The following NXN variants were observed in gnomAD, a reference collection of about 807,000 sequenced individuals.
The protein encoded by NXN is nucleoredoxin.
A neutral mutation model predicts 48.6 loss-of-function variants in NXN; 16 were observed. The observed-to-expected ratio is 0.33, with a 90% confidence interval of 0.22 to 0.50. NXN has a LOEUF of 0.50. Among genes scored for constraint, NXN ranks in the 20% least tolerant of loss-of-function variants. The pLI, the probability that NXN is intolerant of heterozygous loss-of-function variation, is 0.98. For missense variants in NXN, 492 were observed against 605.5 expected (o/e 0.81, Z 1.97); for synonymous variants, 281 against 269.6 (o/e 1.04, Z -0.41).
At chr17:835,534 A>C (rs1235830852) in intron 1 of NXN, among the ~76,000 whole-genome samples, 1 of 152,192 alleles carries the variant, frequency 6.6e-6, no homozygotes, top group Admixed American at 6.5e-5. Flanking sequence ...TTCTGCTGAA[A>C]GACTCCAAGG....
chr17:824,306 C>T (rs1912980954), intron 2 of NXN, among the ~76,000 whole-genome samples: 1 of 152,166 alleles, frequency 6.6e-6, no homozygotes, highest in Non-Finnish European at 1.5e-5. Context: ...CTCAGCCTCC[C>T]AAAGTGCTGG....
chr17:858,743 A>C (rs2068012422), intron 1 of NXN, among the ~76,000 whole-genome samples: 1 of 151,710 alleles, frequency 6.6e-6, no homozygotes. Context: ...AAAAAAAAGA[A>C]AGAAAGAAAG....
At chr17:833,437 CA>C (rs1913609274) in intron 1 of NXN, among the ~76,000 whole-genome samples, 1 of 151,972 alleles carries the variant, frequency 6.6e-6, no homozygotes, top group Non-Finnish European at 1.5e-5. Flanking sequence ...GCCCGGAAAC[CA>C]AAAAATGCTT....
At position 825,860 on chromosome 17, in the gene NXN, C is replaced by T. The variant is rs1913072182; in HGVS notation, c.478+101G>A. On this transcript the variant is annotated intron_variant, in intron 2 of 7. Transcript: ENST00000336868. The surrounding 1 kb of genome is among the most constrained non-coding windows in gnomAD (Gnocchi z 4.1). ...CACGTAAACCCACGTGTATCTATTT[C>T]ACCAGTACTCTCTCCACCGGTGGGA... The T allele has an allele frequency of 1.4e-6, 1 of 735,360 alleles. No homozygotes were observed. The highest frequency in any genetic ancestry group is 2.3e-6 in the Non-Finnish European group (1 of 425,660). 45.6% of individuals were successfully genotyped at this position (735,360 alleles called of 1,614,324 possible).
chr17:820,611 CAAAAAAAAAAA>C (rs750581539), intron 4 of NXN, among the ~76,000 whole-genome samples: 1 of 14,726 alleles, frequency 6.8e-5, no homozygotes, highest in East Asian at 2.3e-3. Flanking sequence ...GACTCTGTCT[CAAAAAAAAAAA>C]AAAAAAAAAA....
intron 1 of NXN, among the ~76,000 whole-genome samples, chr17:946,985 C>T (rs114259967): frequency 0.02 from 3,009 of 152,254 alleles, 74 homozygotes; most frequent in African/African-American, 0.068. Flanking sequence ...GCAGCACAAC[C>T]GGGAAAGCCA....
chr17:870,259 G>A lies in NXN; in HGVS notation c.361-44181C>T, dbSNP rs150992613. On this transcript the variant is annotated intron_variant, in intron 1 of 7. Coordinates refer to ENST00000336868, the MANE Select transcript of NXN (RefSeq NM_022463.5). ...GTTCTCCAGCCCAGGAATGCAGGAC[G>A]TGGATTAGAGAAGCAAAGGGAAAGT... Among the ~76,000 whole-genome samples the A allele has an allele frequency of 5.5e-3, 836 of 152,300 alleles. 4 individuals carry two copies. Among genetic ancestry groups the A allele is most frequent in the Non-Finnish European group, 8.6e-3 (588 of 68,030 alleles).
intron 1 of NXN, among the ~76,000 whole-genome samples, chr17:950,253 G>T (rs1206799079): frequency 6.6e-6 from 1 of 152,166 alleles, no homozygotes; most frequent in South Asian, 2.1e-4. Context: ...CTCCAGGCAG[G>T]AAAGAATCAA....
chr17:843,006 GAGAAAGAAAGAAAGAAAGAAAGAA>G (rs781376999), intron 1 of NXN, among the ~76,000 whole-genome samples: 29 of 96,094 alleles, frequency 3.0e-4, no homozygotes, highest in Non-Finnish European at 5.0e-4. Context: ...GAGAGAAAGA[GAGAAAGAAAGAAAGAAAGAAAGAA>G]AGAAAGAAAG....
At chr17:922,714 C>A (rs1255287165) in intron 1 of NXN, among the ~76,000 whole-genome samples, 4 of 151,936 alleles carry the variant, frequency 2.6e-5, no homozygotes, top group East Asian at 2.0e-4. Flanking sequence ...TGCAGTGGTG[C>A]GATCTCGGCT....
intron 1 of NXN, among the ~76,000 whole-genome samples, chr17:945,628 CAAAA>C (rs58303386): frequency 5.8e-5 from 5 of 86,640 alleles, no homozygotes; most frequent in Non-Finnish European, 8.0e-5. Context: ...GACTCCGTCT[CAAAA>C]AAAAAAAAAA....
chr17:904,301 G>A (rs1186071710), intron 1 of NXN, among the ~76,000 whole-genome samples: 3 of 151,190 alleles, frequency 2.0e-5, no homozygotes, highest in Non-Finnish European at 2.9e-5. Context: ...GTCGGACGCC[G>A]TCCGGCTTCC....
At position 914,362 on chromosome 17, in the gene NXN, GT is replaced by G. The variant is rs575292498; in HGVS notation, c.360+64956del. Among the ~76,000 whole-genome samples the G allele has an allele frequency of 8.7e-4, 127 of 145,358 alleles. 2 individuals are homozygous for G. The South Asian group carries it at 0.014, about 16-fold the overall frequency. ...TTTTTGTATTTTTAGTAGAAATAGG[GT>G]TTTACCGTGTTGGCCAGGCTGGTCT... On this transcript the variant is annotated intron_variant, in intron 1 of 7. Transcript: ENST00000336868.
At chr17:914,825 G>A (rs1401286442) in intron 1 of NXN, among the ~76,000 whole-genome samples, 1 of 152,214 alleles carries the variant, frequency 6.6e-6, no homozygotes, top group African/African-American at 2.4e-5. Flanking sequence ...TCCCCTGGAG[G>A]AGCTGATGAG....
chr17:920,511 A>G lies in NXN; in HGVS notation c.360+58808T>C, dbSNP rs915854130. Among the ~76,000 whole-genome samples the G allele has an allele frequency of 1.3e-5, 2 of 151,850 alleles. No homozygotes were observed. Among genetic ancestry groups the G allele is most frequent in the Non-Finnish European group, 1.5e-5 (1 of 67,960 alleles). ...CCTCCCCAAGTGACCAGCCCTCACC[A>G]GCTCACTCCAGCTCTGCAGCGTTCT... is the stretch of plus-strand genomic sequence containing the variant. On this transcript the variant is annotated intron_variant, in intron 1 of 7. Transcript: ENST00000336868. The surrounding 1 kb of genome is among the most constrained non-coding windows in gnomAD (Gnocchi z 4.6).
intron 3 of NXN, among the ~76,000 whole-genome samples, chr17:823,214 C>T (rs563334380): frequency 9.9e-5 from 15 of 152,114 alleles, no homozygotes; most frequent in East Asian, 3.9e-4. Context: ...GCCTGGCCAA[C>T]ATGGCAAAAC....
Position 805,144 on chromosome 17 carries a change from G to T in NXN, c.924C>A (p.His308Gln). Residue 308 changes from histidine (H) to glutamine (Q), a missense_variant, in exon 6 of 8, where the codon CAC becomes CAA. Physicochemically the swap from His to Gln is conservative, Grantham distance 24. Transcript: ENST00000336868. ...NDEDCREFPW[H>Q]PKPVLELSDS... ...CGGAGAGCTCCAGCACGGGCTTGGG[G>T]TGCCAGGGGAACTCCCGGCAGTCCT... The T allele has an allele frequency of 6.2e-7, 1 of 1,610,464 alleles. No individual in the cohort carries two copies. The highest frequency in any genetic ancestry group is 1.1e-5 in the South Asian group (1 of 90,362).
At chr17:907,006 T>C (rs923608261) in intron 1 of NXN, among the ~76,000 whole-genome samples, 1 of 152,138 alleles carries the variant, frequency 6.6e-6, no homozygotes, top group Non-Finnish European at 1.5e-5. Flanking sequence ...CTGTCCTTCC[T>C]TCCCAGAGGC....
chr17:854,456 G>C (rs896105544), intron 1 of NXN, among the ~76,000 whole-genome samples: 1 of 148,490 alleles, frequency 6.7e-6, no homozygotes, highest in Admixed American at 6.8e-5. Context: ...AGACCATCCT[G>C]GCTAACACGG....
Sources: allele counts gnomAD v4.1 joint callset (sites outside exome capture counted in the v4.1 genomes callset), GRCh38; gene constraint gnomAD v4.1.1; non-coding constraint Gnocchi (gnomAD v3.1); transcripts MANE v1.5; gene names NCBI Gene and HGNC (gene_info 2026-07-23, HGNC 2026-07-21).